SORCS3: variants seen among roughly 807,000 people sequenced by gnomAD.
SORCS3 encodes the protein VPS10 domain-containing receptor SorCS3.
A neutral mutation model predicts 146.3 loss-of-function variants in SORCS3; 57 were observed. That is an observed-to-expected ratio of 0.39 (90% CI 0.31 to 0.49). The LOEUF (loss-of-function observed/expected upper bound fraction) is 0.49, where lower values mean the gene tolerates loss of function less well. Ranked by LOEUF, SORCS3 falls within the 20% of genes least tolerant of loss-of-function variation. The probability of loss-of-function intolerance (pLI) is 0.92; values close to 1 mark genes in which losing one functional copy is unlikely to be tolerated. For synonymous variants in SORCS3, 653 were observed against 618.5 expected (o/e 1.06, Z -0.83); for missense variants, 1,341 against 1,575.5 (o/e 0.85, Z 2.52).
chr10:104,895,474 C>T (rs184578829), intron 2 of SORCS3, among the ~76,000 whole-genome samples: 5 of 152,296 alleles, frequency 3.3e-5, no homozygotes, highest in Non-Finnish European at 7.4e-5. Context: ...TAGAGACTTG[C>T]GTGCACTTTG....
At chr10:104,944,897 G>GAAAGGTCA (rs1042306397) in intron 3 of SORCS3, among the ~76,000 whole-genome samples, 2 of 152,114 alleles carry the variant, frequency 1.3e-5, no homozygotes, top group African/African-American at 4.8e-5. Context: ...ACATGTACAA[G>GAAAGGTCA]AAAGGTCATA....
chr10:105,141,490 G>T (rs757369115), intron 8 of SORCS3, among the ~76,000 whole-genome samples: 1 of 152,174 alleles, frequency 6.6e-6, no homozygotes, highest in Non-Finnish European at 1.5e-5. Flanking sequence ...ATGCAGTGCC[G>T]TGGATGCTTT....
intron 16 of SORCS3, 38 bp from the exon 17 acceptor site, chr10:105,211,099 A>C (rs1250716099): frequency 6.9e-7 from 1 of 1,448,082 alleles, no homozygotes; most frequent in Non-Finnish European, 9.7e-7. Flanking sequence ...TAGCGTTTGT[A>C]CATATATACT....
In SORCS3 at chr10:105,147,626, A is replaced by G. The variant is rs2056140366; in HGVS notation, c.1312A>G (p.Ile438Val). The change falls in exon 9 of 27, where the codon ATC becomes GTC. Residue 438 changes from isoleucine (I) to valine (V), a missense_variant. Physicochemically the swap from Ile to Val is conservative, Grantham distance 29 (BLOSUM62 3). Coordinates refer to ENST00000369701, the MANE Select transcript of SORCS3 (RefSeq NM_014978.3). ...PKYSLPKDMH[I>V]ISTDENQVFA... Reference sequence around the variant, plus strand: ...TTCCATCTTCTTTCAGGACATGCACATCATCAGTACAGACGAGAACCAAGT... The same window carrying G: ...TTCCATCTTCTTTCAGGACATGCACGTCATCAGTACAGACGAGAACCAAGT... 1 of 1,609,898 alleles carries G rather than the reference A, an allele frequency of 6.2e-7. No individual in the cohort carries two copies. The highest frequency in any genetic ancestry group is 1.1e-5 in the South Asian group (1 of 90,482).
intron 8 of SORCS3, among the ~76,000 whole-genome samples, chr10:105,141,736 C>T (rs1237603494): frequency 2.0e-5 from 3 of 152,068 alleles, no homozygotes; most frequent in Non-Finnish European, 2.9e-5. Context: ...TGCTCTTAGT[C>T]CAACAGGCAT....
At chr10:105,218,946 C>G (rs1191082831) in intron 19 of SORCS3, among the ~76,000 whole-genome samples, 1 of 152,006 alleles carries the variant, frequency 6.6e-6, no homozygotes, top group African/African-American at 2.4e-5. Flanking sequence ...ACCTGGGAGG[C>G]GGAGGTTGCA....
chr10:104,914,630 C>T (rs897940995), intron 2 of SORCS3, among the ~76,000 whole-genome samples: 2 of 152,128 alleles, frequency 1.3e-5, no homozygotes, highest in Non-Finnish European at 2.9e-5. Context: ...AGAGTGAGCA[C>T]CTGTCTCTTA....
At chr10:105,095,030 A>G (rs1348949459) in intron 6 of SORCS3, among the ~76,000 whole-genome samples, 1 of 152,148 alleles carries the variant, frequency 6.6e-6, no homozygotes, top group Non-Finnish European at 1.5e-5. Flanking sequence ...TGAAGCAATT[A>G]TATTTCCCCC....
chr10:104,653,355 ACT>A (rs2015586253), intron 1 of SORCS3, among the ~76,000 whole-genome samples: 1 of 152,244 alleles, frequency 6.6e-6, no homozygotes, highest in South Asian at 2.1e-4. Flanking sequence ...TCTAATTTGT[ACT>A]GATTTCTTTC....
At chr10:104,960,604 T>C (rs2054788501) in intron 3 of SORCS3, among the ~76,000 whole-genome samples, 1 of 152,142 alleles carries the variant, frequency 6.6e-6, no homozygotes, top group Non-Finnish European at 1.5e-5. Context: ...AACCATTTAA[T>C]CCATGAATCC....
intron 4 of SORCS3, among the ~76,000 whole-genome samples, chr10:105,013,383 T>A (rs2055146374): frequency 6.6e-6 from 1 of 152,092 alleles, no homozygotes; most frequent in African/African-American, 2.4e-5. Context: ...ACTGGGAGGC[T>A]TATTCATCAC....
At chr10:104,826,926 C>T (rs565317458) in intron 1 of SORCS3, among the ~76,000 whole-genome samples, 1 of 152,318 alleles carries the variant, frequency 6.6e-6, no homozygotes, top group Admixed American at 6.5e-5. Flanking sequence ...ATGTTTGCAG[C>T]ATTTTCACCA....
chr10:104,843,602 G>A (rs904749673), intron 2 of SORCS3, among the ~76,000 whole-genome samples: 1 of 152,210 alleles, frequency 6.6e-6, no homozygotes, highest in Non-Finnish European at 1.5e-5. Context: ...CACACAGGAC[G>A]AGGGAGAAGA....
At chr10:105,167,500 A>C in intron 13 of SORCS3, 151 bp downstream of exon 13, 1 of 605,402 alleles carries the variant, frequency 1.7e-6, no homozygotes, top group Middle Eastern at 2.6e-4. Context: ...CCTTTACATC[A>C]TCTAACTCAT....
At chr10:105,077,964 G>A (rs1039385198) in intron 5 of SORCS3, among the ~76,000 whole-genome samples, 1 of 152,176 alleles carries the variant, frequency 6.6e-6, no homozygotes, top group Non-Finnish European at 1.5e-5. Context: ...AAGTGCCCAC[G>A]AGAGAAGCCG....
intron 7 of SORCS3, among the ~76,000 whole-genome samples, chr10:105,114,338 C>G (rs542171055): frequency 6.6e-6 from 1 of 152,076 alleles, no homozygotes; most frequent in Non-Finnish European, 1.5e-5. Context: ...ATAAAGTACT[C>G]TAGAGGTAGG....
intron 17 of SORCS3, 33 bp from the exon 18 acceptor site, chr10:105,214,409 C>A: frequency 6.2e-7 from 1 of 1,611,476 alleles, no homozygotes; most frequent in Admixed American, 1.7e-5. Flanking sequence ...ACACAATCAA[C>A]ACAAACCACT....
At chr10:104,709,700 C>T (rs2133437753) in intron 1 of SORCS3, among the ~76,000 whole-genome samples, 1 of 152,260 alleles carries the variant, frequency 6.6e-6, no homozygotes, top group Middle Eastern at 3.4e-3. Context: ...CACACTTAGG[C>T]TTAACTAATT....
At chr10:105,258,576 T>C (rs529177404) in intron 25 of SORCS3, among the ~76,000 whole-genome samples, 1 of 152,326 alleles carries the variant, frequency 6.6e-6, no homozygotes, top group East Asian at 1.9e-4. Context: ...TTGTGTCAGG[T>C]GGATCCAAAG....
Sources: allele counts gnomAD v4.1 joint callset (sites outside exome capture counted in the v4.1 genomes callset), GRCh38; gene constraint gnomAD v4.1.1; transcripts MANE v1.5; gene names NCBI Gene and HGNC (gene_info 2026-07-23, HGNC 2026-07-21).